The following CEP83 variants were observed in gnomAD, a reference collection of about 807,000 sequenced individuals.
CEP83 encodes centrosomal protein of 83 kDa.
Under a neutral mutation model 101.9 loss-of-function variants are expected in CEP83, and 70 were observed. The ratio of observed to expected loss-of-function variants is 0.69; its 90% CI spans 0.57 to 0.84. The LOEUF (loss-of-function observed/expected upper bound fraction) is 0.84. Among genes scored for constraint, CEP83 ranks in the 40% least tolerant of loss-of-function variants. CEP83 has a pLI of 0.00. For synonymous variants in CEP83, 264 were observed against 267.9 expected, an observed-to-expected ratio of 0.99 and a Z score of 0.14; for missense variants, 715 against 787.2, an observed-to-expected ratio of 0.91 and a Z score of 1.10.
At chr12:94,270,985 A>G in the CEP83 span, among the ~76,000 whole-genome samples, 1 of 152,108 alleles carries the variant, frequency 6.6e-6, no homozygotes, top group South Asian at 2.1e-4. Context: ...TCTGGCTTGG[A>G]AAGAAGCTTA....
chr12:94,441,686 C>T (rs1016632248), intron 1 of CEP83, among the ~76,000 whole-genome samples: 4 of 152,036 alleles, frequency 2.6e-5, no homozygotes, highest in Non-Finnish European at 4.4e-5. Context: ...GAGGCCGAGG[C>T]GGGTGGATCA....
intron 6 of CEP83, among the ~76,000 whole-genome samples, chr12:94,398,362 G>C (rs893070834): frequency 5.3e-5 from 8 of 152,158 alleles, no homozygotes; most frequent in African/African-American, 1.9e-4. Context: ...TGGGAAGTCA[G>C]GGACCCCAAA....
intron 1 of CEP83, among the ~76,000 whole-genome samples, chr12:94,459,351 A>T (rs1314652573): frequency 4.6e-5 from 7 of 152,212 alleles, no homozygotes; most frequent in African/African-American, 1.7e-4. Context: ...CCAATTACCA[A>T]ACTGGCTACA....
In CEP83 at chr12:94,403,167, T is replaced by C. The variant is rs181264654; in HGVS notation, c.417+3A>G. The C allele has an allele frequency of 2.4e-3, 3,469 of 1,426,846 alleles. 6 individuals are homozygous for C. The highest frequency in any genetic ancestry group is 3.1e-3 in the Non-Finnish European group (3,141 of 1,012,098). The allele number at this position is 1,426,846 out of a possible 1,614,324, so 88.4% of individuals were successfully genotyped here. A position where few individuals can be genotyped will look rare whatever the true frequency, so the allele number is the denominator to read the frequency against. On this transcript the variant is annotated splice_donor_region_variant and intron_variant, in intron 5 of 16. Coordinates refer to ENST00000397809, the MANE Select transcript of CEP83 (RefSeq NM_016122.3). Reference sequence around the variant, plus strand: ...TGCATAGTAAACAACATAAGTTACTTACTTCATCTAGATTCCTAAAACGTT... The same window carrying C: ...TGCATAGTAAACAACATAAGTTACTCACTTCATCTAGATTCCTAAAACGTT...
chr12:94,408,840 T>C (rs1369350646), intron 4 of CEP83, among the ~76,000 whole-genome samples: 2 of 152,082 alleles, frequency 1.3e-5, no homozygotes, highest in Non-Finnish European at 2.9e-5. Flanking sequence ...TCCTGCCTCC[T>C]GAAGTTCTCA....
At chr12:94,358,197 T>C (rs1220229302) in intron 11 of CEP83, among the ~76,000 whole-genome samples, 1 of 152,210 alleles carries the variant, frequency 6.6e-6, no homozygotes, top group African/African-American at 2.4e-5. Context: ...CTGGGACTAT[T>C]CAAGCAATTA....
At position 94,312,913 on chromosome 12, in the gene CEP83, C is replaced by A. The variant is rs1321044231; in HGVS notation, c.1811+1G>T. 6.7e-7 allele frequency: 1 copy of A among 1,493,868 alleles called. No homozygotes were observed. The highest frequency in any genetic ancestry group is 1.4e-5 in the African/African-American group (1 of 71,926). 92.5% of individuals were successfully genotyped at this position (1,493,868 alleles called of 1,614,324 possible). On this transcript the variant is annotated splice_donor_variant, in intron 15 of 16. Coordinates refer to ENST00000397809, the MANE Select transcript of CEP83 (RefSeq NM_016122.3). LOFTEE classifies it high-confidence loss of function. ...GGAAGATACACATACAAACACATTA[C>A]CTATTTAAGACCTGATTTTCTGTTT...
chr12:94,298,649 G>A, the CEP83 span: 7 of 1,598,800 alleles, frequency 4.4e-6, no homozygotes, highest in Admixed American at 1.3e-4. Context: ...TTCATTCTGT[G>A]CTTGAAAAAC....
At chr12:94,283,160 A>AG in the CEP83 span, among the ~76,000 whole-genome samples, 70,919 of 152,024 alleles carry the variant, frequency 0.47, 16,633 homozygotes, top group South Asian at 0.54. Flanking sequence ...AGTGCAAAAA[A>AG]GGACGGAGAG....
At chr12:94,320,397 G>C (rs1436306448) in intron 14 of CEP83, among the ~76,000 whole-genome samples, 1 of 152,066 alleles carries the variant, frequency 6.6e-6, no homozygotes, top group Non-Finnish European at 1.5e-5. Context: ...GTTGTTAGCT[G>C]GTTATTAGGC....
At chr12:94,384,159 T>C (rs915644592) in intron 6 of CEP83, among the ~76,000 whole-genome samples, 5 of 152,202 alleles carry the variant, frequency 3.3e-5, no homozygotes, top group Non-Finnish European at 7.4e-5. Flanking sequence ...TTCATTTTCC[T>C]TCATTTGAGA....
chr12:94,341,618 T>C (rs2059692262), intron 11 of CEP83, among the ~76,000 whole-genome samples: 1 of 152,142 alleles, frequency 6.6e-6, no homozygotes, highest in Admixed American at 6.5e-5. Context: ...ACTATGTCTT[T>C]ATTTTAAAAT....
At chr12:94,311,097 G>A (rs147331282) in intron 15 of CEP83, among the ~76,000 whole-genome samples, 102 of 152,198 alleles carry the variant, frequency 6.7e-4, no homozygotes, top group African/African-American at 2.4e-3. Flanking sequence ...GATCACCAAT[G>A]GCCAATGATG....
At chr12:94,333,045 CAAAAAAAAA>C (rs34900007) in intron 13 of CEP83, among the ~76,000 whole-genome samples, 1 of 73,174 alleles carries the variant, frequency 1.4e-5, no homozygotes, top group Non-Finnish European at 2.4e-5. Flanking sequence ...ATTTTAAGAC[CAAAAAAAAA>C]AAAAAAAAAA....
chr12:94,304,807 CTG>C (rs1011568109), downstream of CEP83, among the ~76,000 whole-genome samples: 1 of 152,194 alleles, frequency 6.6e-6, no homozygotes, highest in African/African-American at 2.4e-5. Context: ...AGGGAAGGAT[CTG>C]TCTCTGACCA....
chr12:94,278,334 G>C, the CEP83 span, among the ~76,000 whole-genome samples: 1 of 152,204 alleles, frequency 6.6e-6, no homozygotes, highest in African/African-American at 2.4e-5. Context: ...GCTCTTCCCT[G>C]AATCAATTCC....
intron 14 of CEP83, among the ~76,000 whole-genome samples, chr12:94,316,818 A>G (rs376781823): frequency 9.9e-5 from 15 of 152,162 alleles, no homozygotes; most frequent in African/African-American, 3.4e-4. Context: ...TCTTTATCCA[A>G]TCTTCCATTG....
chr12:94,320,834 T>C (rs1005523134), intron 14 of CEP83, among the ~76,000 whole-genome samples: 2 of 152,224 alleles, frequency 1.3e-5, no homozygotes, highest in African/African-American at 4.8e-5. Context: ...TTCTTTCATT[T>C]TGACCTTGGA....
At chr12:94,315,672 C>T (rs1970566615) in intron 14 of CEP83, among the ~76,000 whole-genome samples, 1 of 151,792 alleles carries the variant, frequency 6.6e-6, no homozygotes, top group East Asian at 1.9e-4. Context: ...AATTTTCTCC[C>T]AAGTTTTCAT....
Sources: allele counts gnomAD v4.1 joint callset (sites outside exome capture counted in the v4.1 genomes callset), GRCh38; gene constraint gnomAD v4.1.1; transcripts MANE v1.5; gene names NCBI Gene and HGNC (gene_info 2026-07-23, HGNC 2026-07-21).